Variants in STON1 observed in about 807,000 individuals in gnomAD.
The protein encoded by STON1 is stonin-1.
Under a neutral mutation model 60.9 loss-of-function variants are expected in STON1, and 79 were observed. The observed-to-expected ratio is 1.30, with a 90% confidence interval of 1.08 to 1.56. STON1 has a LOEUF of 1.56. STON1 is among the 40% of genes most tolerant of loss of function. The pLI, the probability that STON1 is intolerant of heterozygous loss-of-function variation, is 0.00. For missense variants in STON1, 1,166 were observed against 858.9 expected (o/e 1.36, Z -4.47); for synonymous variants, 363 against 306.9 (o/e 1.18, Z -1.91).
chr2:48,564,587 C>T lies in STON1; in HGVS notation c.-47-16000C>T, dbSNP rs56705878. Among the ~76,000 whole-genome samples the T allele has an allele frequency of 1.5e-3, 74 of 47,858 alleles. 12 individuals carry two copies. Among genetic ancestry groups the T allele is most frequent in the Admixed American group, 2.7e-3 (14 of 5,182 alleles). The allele number at this position is 47,858 out of a possible 152,430, so 31.4% of individuals were successfully genotyped here. A position where few individuals can be genotyped will look rare whatever the true frequency, so the allele number is the denominator to read the frequency against. On this transcript the variant is annotated intron_variant, in intron 1 of 3. Coordinates refer to ENST00000404752, the MANE Select transcript of STON1 (RefSeq NM_006873.4). Reference sequence around the variant, plus strand: ...TTCTTCTCCTTCTCCTTCTCCTCCTCCTCCTCCTCCTCCTCCTTCTCCTTC... The same window carrying T: ...TTCTTCTCCTTCTCCTTCTCCTCCTTCTCCTCCTCCTCCTCCTTCTCCTTC...
At position 48,595,259 on chromosome 2, in the gene STON1, A is replaced by ATTTTTTATC. The variant is rs1558656251; in HGVS notation, c.2166_2167insTTTTTATCT (p.Asp722_Gly723insPheLeuSer). 6.2e-7 allele frequency: 1 copy of ATTTTTTATC among 1,613,972 alleles called. No individual in the cohort carries two copies. The highest frequency in any genetic ancestry group is 2.2e-5 in the East Asian group (1 of 44,882). ...ATAGAAAAGAAGTGGATTAAAATCG[A>ATTTTTTATC]TGGAGAAGACCCAGATAAAATTGGT... On this transcript the variant is annotated inframe_insertion, in exon 4 of 4. Coordinates refer to ENST00000404752, the MANE Select transcript of STON1 (RefSeq NM_006873.4).
Position 48,581,797 on chromosome 2 carries a change from C to A in STON1, c.1164C>A (p.Asp388Glu). 1 of 1,614,196 alleles carries A rather than the reference C, an allele frequency of 6.2e-7. No individual in the cohort carries two copies. The highest frequency in any genetic ancestry group is 1.3e-5 in the African/African-American group (1 of 75,054). Residue 388 changes from aspartate to glutamate, a missense_variant, in exon 2 of 4, where the codon GAC (aspartate) becomes GAA (glutamate). By Grantham distance (45) the Asp-to-Glu change is conservative (BLOSUM62 2). Coordinates refer to ENST00000404752, the MANE Select transcript of STON1 (RefSeq NM_006873.4). ...CCACATCGTACCATGACTTCCTTGA[C>A]TTTCTGACTACTGTGGAGGAGGAGC... ...LGSTSYHDFL[D>E]FLTTVEEELM... is the part of the protein sequence containing the mutation.
intron 1 of STON1, among the ~76,000 whole-genome samples, chr2:48,568,701 G>C (rs1248181984): frequency 6.6e-6 from 1 of 152,234 alleles, no homozygotes; most frequent in Non-Finnish European, 1.5e-5. Flanking sequence ...GGCGAGCTGA[G>C]TTATGAAAGC....
At chr2:48,564,495 C>CTTTCTTCTTCT (rs1672802343) in intron 1 of STON1, among the ~76,000 whole-genome samples, 7 of 23,256 alleles carry the variant, frequency 3.0e-4, no homozygotes, top group African/African-American at 9.8e-4. Flanking sequence ...TCTTCTTCTT[C>CTTTCTTCTTCT]TTCTTCTTCT....
chr2:48,597,372 G>A lies in STON1; in HGVS notation c.*2070G>A, dbSNP rs1320725293. 6.6e-6 allele frequency: 1 copy of A among 152,236 alleles called. No individual in the cohort carries two copies. Among genetic ancestry groups the A allele is most frequent in the Non-Finnish European group, 1.5e-5 (1 of 68,062 alleles). The allele number at this position is 152,236 out of a possible 1,614,324, so 9.4% of individuals were successfully genotyped here. A position where few individuals can be genotyped will look rare whatever the true frequency, so the allele number is the denominator to read the frequency against. The stretch of plus-strand genomic sequence containing the variant: ...AACTGATGCTGCCCACAGTCCCAGT[G>A]AAGTTAGGTGGGTTAATTACTGCCA... On this transcript the variant is annotated 3_prime_UTR_variant, in exon 4 of 4. Transcript: ENST00000404752.
chr2:48,581,986 C>A lies in STON1; in HGVS notation c.1353C>A (p.Asn451Lys). The A allele has an allele frequency of 6.2e-7, 1 of 1,614,108 alleles. No individual in the cohort carries two copies. Among genetic ancestry groups the A allele is most frequent in the Non-Finnish European group, 8.5e-7 (1 of 1,180,020 alleles). Reference protein sequence around the residue: ...QIYCLCFVNGNLECFLTLNDL... With the variant: ...QIYCLCFVNGKLECFLTLNDL... The stretch of plus-strand genomic sequence containing the variant: ...ATTGCCTCTGCTTTGTGAATGGGAA[C>A]CTGGAATGCTTTTTAACCTTGAATG... Residue 451 changes from asparagine to lysine, a missense_variant, in exon 2 of 4, where the codon AAC (asparagine) becomes AAA (lysine). Transcript: ENST00000404752.
chr2:48,593,854 A>C (rs568899202), intron 3 of STON1, among the ~76,000 whole-genome samples: 1 of 152,318 alleles, frequency 6.6e-6, no homozygotes, highest in East Asian at 1.9e-4. Flanking sequence ...TGATAAAAGT[A>C]ATGATAGGTA....
At chr2:48,549,808 CTCAAAA>C (rs1285217941) in intron 1 of STON1, among the ~76,000 whole-genome samples, 6 of 72,950 alleles carry the variant, frequency 8.2e-5, no homozygotes, top group African/African-American at 2.9e-4. Context: ...GTGACTCCAT[CTCAAAA>C]AAAAAAAAAA....
chr2:48,595,474 T>C lies in STON1; in HGVS notation c.*172T>C. 3.4e-6 allele frequency: 2 copies of C among 582,268 alleles called. No homozygotes were observed. Among genetic ancestry groups the C allele is most frequent in the Admixed American group, 6.9e-5 (2 of 29,018 alleles). The allele number at this position is 582,268 out of a possible 1,614,324, so 36.1% of individuals were successfully genotyped here. ...CTAAAACCGAACAATCTGTATTTTTTGCTTTTCATGTGTTTTTGTCCTAGG... is the reference window on the plus strand; with the variant it reads ...CTAAAACCGAACAATCTGTATTTTTCGCTTTTCATGTGTTTTTGTCCTAGG... On this transcript the variant is annotated 3_prime_UTR_variant, in exon 4 of 4. Transcript: ENST00000404752.
Position 48,580,835 on chromosome 2 carries a change from G to A in STON1, c.202G>A (p.Asp68Asn). 4 of 1,546,192 alleles carry A rather than the reference G, an allele frequency of 2.6e-6. No individual in the cohort carries two copies. Among genetic ancestry groups the A allele is most frequent in the Non-Finnish European group, 3.5e-6 (4 of 1,150,166 alleles). ...CACTCCTCTCTCCTCCCCCATTGTA[G>A]ATTTTTATTTCAGTCCAGGACCTCC... ...SSTPLSSPIV[D>N]FYFSPGPPSN... The change falls in exon 2 of 4, where the codon GAT becomes AAT. Residue 68 changes from aspartate to asparagine, a missense_variant. Physicochemically the swap from Asp to Asn is conservative, Grantham distance 23. Transcript: ENST00000404752.
rs1558604783 is a variant in STON1, at chr2:48,564,480, T to TTCTTCTTC, written c.-47-16106_-47-16105insCTTCTTCT. 1.4e-3 allele frequency among the ~76,000 whole-genome samples: 47 copies of TTCTTCTTC among 32,492 alleles called. 1 individual carries two copies. Among genetic ancestry groups the TTCTTCTTC allele is most frequent in the African/African-American group, 3.9e-3 (34 of 8,686 alleles). 21.3% of individuals were successfully genotyped at this position (32,492 alleles called of 152,430 possible). Reference sequence around the variant, plus strand: ...CTTCTTCTTCTTCTTCTTCTTCTTCTTTCTTCTTCTTCTTCTTCTTCTTCT... The same window carrying TTCTTCTTC: ...CTTCTTCTTCTTCTTCTTCTTCTTCTTCTTCTTCTTCTTCTTCTTCTTCTTCTTCTTCT... On this transcript the variant is annotated intron_variant, in intron 1 of 3. Transcript: ENST00000404752.
chr2:48,592,383 T>C (rs1447326710), intron 3 of STON1, among the ~76,000 whole-genome samples: 2 of 151,608 alleles, frequency 1.3e-5, no homozygotes, highest in African/African-American at 4.8e-5. Flanking sequence ...GGAATAGTGT[T>C]CTGTGGAGCA....
intron 1 of STON1, among the ~76,000 whole-genome samples, chr2:48,540,733 C>T (rs1410259538): frequency 6.6e-6 from 1 of 152,174 alleles, no homozygotes; most frequent in Non-Finnish European, 1.5e-5. Flanking sequence ...TCAGAAGTTC[C>T]TGAGGCTCAG....
intron 1 of STON1, among the ~76,000 whole-genome samples, chr2:48,562,380 C>T (rs957040038): frequency 4.6e-5 from 7 of 152,138 alleles, no homozygotes; most frequent in African/African-American, 7.2e-5. Flanking sequence ...GGTTTGACAC[C>T]GCCTTGCTGC....
intron 2 of STON1, among the ~76,000 whole-genome samples, chr2:48,589,216 G>A (rs1315509780): frequency 2.0e-5 from 3 of 151,724 alleles, no homozygotes; most frequent in Admixed American, 6.6e-5. Flanking sequence ...CTTTCCCTTC[G>A]GCCCTCTAAC....
chr2:48,582,514 C>A lies in STON1; in HGVS notation c.1881C>A (p.Ala627=). Residue 627 remains alanine, a synonymous_variant, in exon 2 of 4, where the codon GCC becomes GCA. Coordinates refer to ENST00000404752, the MANE Select transcript of STON1 (RefSeq NM_006873.4). ...VTVGSAKYES[A]YQAVVWKIDR... ...TGGGGTCAGCAAAATATGAGAGTGC[C>A]TACCAGGCAGTGGTATGGAAGATAG... 1 of 1,614,126 alleles carries A rather than the reference C, an allele frequency of 6.2e-7. No individual in the cohort carries two copies. Among genetic ancestry groups the A allele is most frequent in the Non-Finnish European group, 8.5e-7 (1 of 1,180,002 alleles).
In STON1 at chr2:48,561,954, C is replaced by T. The variant is rs540694102; in HGVS notation, c.-47-18633C>T. On this transcript the variant is annotated intron_variant, in intron 1 of 3. Transcript: ENST00000404752. Reference sequence around the variant, plus strand: ...CAGCTCATTGCAACCTCTGCCTCCCCGGTTCAAGTGATTCTCGTGCCTCAG... The same window carrying T: ...CAGCTCATTGCAACCTCTGCCTCCCTGGTTCAAGTGATTCTCGTGCCTCAG... 1.3e-4 allele frequency among the ~76,000 whole-genome samples: 20 copies of T among 152,210 alleles called. 1 individual carries two copies. The highest frequency in any genetic ancestry group is 4.1e-4 in the African/African-American group (17 of 41,554).
intron 2 of STON1, among the ~76,000 whole-genome samples, chr2:48,585,495 C>A (rs548302789): frequency 6.6e-6 from 1 of 152,074 alleles, no homozygotes; most frequent in Non-Finnish European, 1.5e-5. Flanking sequence ...GTGATCCACC[C>A]GCCTCGGCCT....
chr2:48,558,206 G>C (rs372003616), intron 1 of STON1, among the ~76,000 whole-genome samples: 41 of 152,340 alleles, frequency 2.7e-4, no homozygotes, highest in African/African-American at 9.9e-4. Flanking sequence ...CCTGGGCGAA[G>C]AGCGAAACTC....
Sources: allele counts gnomAD v4.1 joint callset (sites outside exome capture counted in the v4.1 genomes callset), GRCh38; gene constraint gnomAD v4.1.1; transcripts MANE v1.5; gene names NCBI Gene and HGNC (gene_info 2026-07-23, HGNC 2026-07-21).